PARD3B: variants seen among roughly 807,000 people sequenced by gnomAD.
The protein encoded by PARD3B is par-3 family cell polarity regulator beta, also known as partitioning defective 3 homolog B.
Under a neutral mutation model 130.2 loss-of-function variants are expected in PARD3B, and 103 were observed. The observed-to-expected ratio is 0.79, with a 90% confidence interval of 0.67 to 0.93. The LOEUF is 0.93. PARD3B is among the 40% of genes least tolerant of loss of function. The pLI is 0.00. For missense variants in PARD3B, 1,609 were observed against 1,499.2 expected (o/e 1.07, Z -1.21); for synonymous variants, 583 against 553.2 (o/e 1.05, Z -0.76).
intron 15 of PARD3B, among the ~76,000 whole-genome samples, chr2:205,245,217 C>T (rs1406072728): frequency 6.6e-6 from 1 of 152,186 alleles, no homozygotes; most frequent in Non-Finnish European, 1.5e-5. Context: ...AAGTTCACGT[C>T]ATTTGTTTTC....
intron 2 of PARD3B, among the ~76,000 whole-genome samples, chr2:204,731,491 T>C (rs928684969): frequency 6.6e-6 from 1 of 152,136 alleles, no homozygotes; most frequent in Non-Finnish European, 1.5e-5. Flanking sequence ...TTTTAATTTT[T>C]CCCCCCAAAT....
intron 18 of PARD3B, among the ~76,000 whole-genome samples, chr2:205,326,081 C>T (rs1011291783): frequency 6.6e-6 from 1 of 152,140 alleles, no homozygotes; most frequent in Non-Finnish European, 1.5e-5. Flanking sequence ...GGATTTGGCG[C>T]ATGTAGTTTA....
At position 205,041,047 on chromosome 2, in the gene PARD3B, C is replaced by A. The variant is rs1291920299; in HGVS notation, c.395-6534C>A. Among the ~76,000 whole-genome samples the A allele has an allele frequency of 2.0e-5, 3 of 152,140 alleles. No homozygotes were observed. The East Asian group carries it at 5.8e-4, about 29-fold the overall frequency. ...ATAAGCATTCTATATTTCTTTCTTT[C>A]TGAAAATTCTGAGAGAGTATGAAAT... On this transcript the variant is annotated intron_variant, in intron 3 of 22. Transcript: ENST00000406610.
At chr2:205,236,784 C>T (rs1396225284) in intron 15 of PARD3B, among the ~76,000 whole-genome samples, 2 of 152,102 alleles carry the variant, frequency 1.3e-5, no homozygotes, top group East Asian at 1.9e-4. Context: ...GGACACATCA[C>T]GTTACTGACA....
chr2:204,938,257 C>T (rs563542478), intron 2 of PARD3B, among the ~76,000 whole-genome samples: 1 of 152,310 alleles, frequency 6.6e-6, no homozygotes, highest in South Asian at 2.1e-4. Context: ...CTTCCTCTAC[C>T]CTCCTGTGGG....
intron 19 of PARD3B, 49 bp downstream of exon 19, chr2:205,401,172 G>T: frequency 7.1e-7 from 1 of 1,417,850 alleles, no homozygotes. Context: ...TATGGTCTGG[G>T]TTTAATTTAG....
At chr2:205,192,782 A>G (rs1178639363) in intron 14 of PARD3B, among the ~76,000 whole-genome samples, 1 of 152,204 alleles carries the variant, frequency 6.6e-6, no homozygotes, top group Admixed American at 6.5e-5. Context: ...TCTCTAAAGG[A>G]TACAACCCTT....
At position 205,119,722 on chromosome 2, in the gene PARD3B, C is replaced by T. The variant is rs575613929; in HGVS notation, c.806+676C>T. Among the ~76,000 whole-genome samples the T allele has an allele frequency of 2.2e-3, 336 of 152,108 alleles. 3 individuals are homozygous for T. Among genetic ancestry groups the T allele is most frequent in the African/African-American group, 7.5e-3 (312 of 41,506 alleles). On this transcript the variant is annotated intron_variant, in intron 7 of 22. Transcript: ENST00000406610. ...GCTTGAACCTGGGGGACAGAGGTTG[C>T]GGTGAGCCGAGATCGCGCCTTTGCA...
At chr2:205,417,320 A>G (rs984547744) in intron 19 of PARD3B, among the ~76,000 whole-genome samples, 6 of 152,074 alleles carry the variant, frequency 3.9e-5, no homozygotes, top group Non-Finnish European at 7.4e-5. Context: ...TTCTTAATCC[A>G]GTATATCATT....
chr2:204,804,103 C>G (rs1228107233), intron 2 of PARD3B, among the ~76,000 whole-genome samples: 1 of 152,098 alleles, frequency 6.6e-6, no homozygotes, highest in Non-Finnish European at 1.5e-5. Flanking sequence ...TGGCATGTGC[C>G]TGTAGTACCA....
chr2:205,087,153 T>C (rs1701789001), intron 4 of PARD3B, among the ~76,000 whole-genome samples: 1 of 152,192 alleles, frequency 6.6e-6, no homozygotes, highest in South Asian at 2.1e-4. Context: ...AAGACAGGCG[T>C]CTGAACTTAA....
intron 2 of PARD3B, among the ~76,000 whole-genome samples, chr2:204,885,859 A>T (rs551883661): frequency 1.3e-5 from 2 of 152,016 alleles, no homozygotes; most frequent in African/African-American, 4.8e-5. Flanking sequence ...TGCTCAAGAA[A>T]CATGTGTGGA....
intron 2 of PARD3B, among the ~76,000 whole-genome samples, chr2:204,719,864 G>C (rs1260928854): frequency 6.6e-6 from 1 of 152,078 alleles, no homozygotes; most frequent in Non-Finnish European, 1.5e-5. Flanking sequence ...AAAAACAACA[G>C]GTAAATCGAA....
At chr2:204,959,936 GT>G (rs1211614659) in intron 2 of PARD3B, among the ~76,000 whole-genome samples, 1 of 151,002 alleles carries the variant, frequency 6.6e-6, no homozygotes, top group Non-Finnish European at 1.5e-5. Flanking sequence ...AGGTAGATAT[GT>G]TCCTGTGAAC....
chr2:205,595,133 G>C (rs16837462), intron 22 of PARD3B, among the ~76,000 whole-genome samples: 44,322 of 143,460 alleles, frequency 0.31, 7,183 homozygotes, highest in African/African-American at 0.41. Context: ...TTTTCATGAA[G>C]TGCCTCGCAC....
chr2:205,372,110 T>A (rs1445347409), intron 18 of PARD3B, among the ~76,000 whole-genome samples: 1 of 152,234 alleles, frequency 6.6e-6, no homozygotes, highest in African/African-American at 2.4e-5. Flanking sequence ...TAAATAATAA[T>A]GCTATGAATA....
chr2:205,166,428 A>G (rs2034823609), intron 11 of PARD3B, among the ~76,000 whole-genome samples: 1 of 152,214 alleles, frequency 6.6e-6, no homozygotes, highest in South Asian at 2.1e-4. Context: ...ATGTACACCA[A>G]AGTACAGTCT....
At position 205,253,996 on chromosome 2, in the gene PARD3B, G is replaced by C. The variant is rs1167806116; in HGVS notation, c.2185+8174G>C. Among the ~76,000 whole-genome samples, 4 of 150,690 alleles carry C rather than the reference G, an allele frequency of 2.7e-5. No individual in the cohort carries two copies. The highest frequency in any genetic ancestry group is 3.9e-4 in the East Asian group (2 of 5,102). ...TGGAAGGATAGTTGGACTCAAGAAG[G>C]CAAGGTAGAAGAGTCTAGGATAGAG... On this transcript the variant is annotated intron_variant, in intron 16 of 22. Coordinates refer to ENST00000406610, the MANE Select transcript of PARD3B (RefSeq NM_001302769.2). The surrounding 1 kb of genome is among the most constrained non-coding windows in gnomAD (Gnocchi z 4.4).
chr2:204,818,953 T>G (rs565017573), intron 2 of PARD3B, among the ~76,000 whole-genome samples: 2 of 151,910 alleles, frequency 1.3e-5, no homozygotes, highest in Admixed American at 1.3e-4. Flanking sequence ...TAAGCTAGAG[T>G]GAGAAGGTAT....
Sources: gnomAD v4.1 joint callset for allele counts (sites outside exome capture counted in the v4.1 genomes callset) on GRCh38, gnomAD v4.1.1 for gene constraint, Gnocchi (gnomAD v3.1) non-coding constraint, MANE v1.5 for transcripts, NCBI Gene and HGNC (gene_info 2026-07-23, HGNC 2026-07-21) for gene names.